The following DPP6 variants were observed in gnomAD, a reference collection of about 807,000 sequenced individuals.
The protein encoded by DPP6 is A-type potassium channel modulatory protein DPP6.
In DPP6, 69 loss-of-function variants were observed where a neutral mutation model predicts 122.6. The observed-to-expected ratio is 0.56, with a 90% CI of 0.46 to 0.69. The LOEUF is 0.69. Among genes scored for constraint, DPP6 ranks in the 30% least tolerant of loss-of-function variants. The pLI is 0.00. For synonymous variants in DPP6, 418 were observed against 433.1 expected, an observed-to-expected ratio of 0.97 and a Z score of 0.43; for missense variants, 928 against 1,116.9, an observed-to-expected ratio of 0.83 and a Z score of 2.41.
At chr7:154,003,531 C>T (rs1253941755) in intron 1 of DPP6, among the ~76,000 whole-genome samples, 1 of 152,220 alleles carries the variant, frequency 6.6e-6, no homozygotes, top group Non-Finnish European at 1.5e-5. Context: ...ATAGCTATTG[C>T]TATGCAAGCA....
chr7:153,828,457 T>C, the DPP6 span, among the ~76,000 whole-genome samples: 125,140 of 152,140 alleles, frequency 0.82, 51,695 homozygotes, highest in African/African-American at 0.89. Flanking sequence ...ACTGCAATTC[T>C]CTGTGAATCT....
chr7:154,274,632 G>A (rs1804009051), intron 1 of DPP6, among the ~76,000 whole-genome samples: 1 of 151,962 alleles, frequency 6.6e-6, no homozygotes, highest in African/African-American at 2.4e-5. Flanking sequence ...GAATTCTCCT[G>A]TTAAATATGC....
At chr7:154,734,248 G>T (rs1479430415) in intron 8 of DPP6, among the ~76,000 whole-genome samples, 2 of 152,222 alleles carry the variant, frequency 1.3e-5, no homozygotes, top group Non-Finnish European at 2.9e-5. Flanking sequence ...AGCTGGGACT[G>T]CAGGAACCTG....
intron 1 of DPP6, among the ~76,000 whole-genome samples, chr7:154,323,194 G>A (rs1300230133): frequency 3.9e-5 from 6 of 152,194 alleles, no homozygotes; most frequent in Non-Finnish European, 7.3e-5. Flanking sequence ...ATAAAACTGT[G>A]AGGATATTGT....
At chr7:154,297,366 T>G (rs1805610730) in intron 1 of DPP6, among the ~76,000 whole-genome samples, 1 of 152,214 alleles carries the variant, frequency 6.6e-6, no homozygotes, top group East Asian at 1.9e-4. Context: ...AATAAAACTT[T>G]ATTCACAAAA....
At chr7:153,879,693 A>G in the DPP6 span, among the ~76,000 whole-genome samples, 1 of 152,158 alleles carries the variant, frequency 6.6e-6, no homozygotes, top group Admixed American at 6.5e-5. Flanking sequence ...CTGGTCCAAA[A>G]TATCTCTTAA....
chr7:153,893,903 T>C (rs1252431931), intron 1 of DPP6, among the ~76,000 whole-genome samples: 1 of 152,188 alleles, frequency 6.6e-6, no homozygotes, highest in Middle Eastern at 3.2e-3. Context: ...CAAGCTCTGA[T>C]TGGTGAGTTG....
chr7:154,340,420 C>T (rs1317600486), intron 1 of DPP6, among the ~76,000 whole-genome samples: 1 of 152,212 alleles, frequency 6.6e-6, no homozygotes, highest in Non-Finnish European at 1.5e-5. Flanking sequence ...TCCTCTCCAT[C>T]CCCAGCTTTC....
intron 5 of DPP6, among the ~76,000 whole-genome samples, chr7:154,610,308 A>T (rs1230216910): frequency 6.6e-6 from 1 of 152,158 alleles, no homozygotes; most frequent in Non-Finnish European, 1.5e-5. Context: ...CTTGAAATTG[A>T]GTCTTGAAAA....
intron 1 of DPP6, among the ~76,000 whole-genome samples, chr7:154,109,538 C>T (rs1350314620): frequency 2.0e-5 from 3 of 152,182 alleles, no homozygotes; most frequent in East Asian, 1.9e-4. Context: ...GTGATCCACC[C>T]GCCTCAGCCT....
At chr7:154,140,473 T>C (rs1563240300) in intron 1 of DPP6, among the ~76,000 whole-genome samples, 1 of 152,184 alleles carries the variant, frequency 6.6e-6, no homozygotes, top group Non-Finnish European at 1.5e-5. Flanking sequence ...GGTTTGTTTG[T>C]TTGTTTATTT....
the DPP6 span, among the ~76,000 whole-genome samples, chr7:153,800,668 C>T: frequency 6.6e-6 from 1 of 152,046 alleles, no homozygotes; most frequent in Non-Finnish European, 1.5e-5. Flanking sequence ...AGGCATGCAC[C>T]ACCGTGCCAG....
intron 1 of DPP6, among the ~76,000 whole-genome samples, chr7:154,360,105 T>C (rs1811606575): frequency 6.6e-6 from 1 of 152,242 alleles, no homozygotes; most frequent in African/African-American, 2.4e-5. Flanking sequence ...CCCTTTCTTA[T>C]TTCTTTAAGA....
At chr7:154,393,077 C>T (rs1814762021) in intron 1 of DPP6, among the ~76,000 whole-genome samples, 1 of 152,144 alleles carries the variant, frequency 6.6e-6, no homozygotes, top group African/African-American at 2.4e-5. Flanking sequence ...TTTCTTCTTC[C>T]AAATATTTAC....
At chr7:154,237,505 C>G (rs1585705223) in intron 1 of DPP6, among the ~76,000 whole-genome samples, 1 of 152,294 alleles carries the variant, frequency 6.6e-6, no homozygotes, top group East Asian at 1.9e-4. Context: ...AAGTGAACAG[C>G]AGATCCTCAG....
the DPP6 span, among the ~76,000 whole-genome samples, chr7:153,828,024 G>C: frequency 2.1e-4 from 32 of 152,278 alleles, no homozygotes; most frequent in African/African-American, 7.5e-4. Context: ...GAGCTTCTTT[G>C]CTTCTGGCCA....
At chr7:154,885,898 C>T (rs759357604) in intron 22 of DPP6, among the ~76,000 whole-genome samples, 154 bp downstream of exon 22, 29 of 152,142 alleles carry the variant, frequency 1.9e-4, no homozygotes, top group Admixed American at 6.5e-5. Context: ...ATGGAAGAAC[C>T]CGGGGAAGGA....
chr7:154,076,288 A>G (rs925587276), intron 1 of DPP6, among the ~76,000 whole-genome samples: 1 of 152,136 alleles, frequency 6.6e-6, no homozygotes, highest in Non-Finnish European at 1.5e-5. Context: ...TGTCCCTACT[A>G]AAAATACAAA....
At chr7:154,750,021 G>T (rs977543873) in intron 8 of DPP6, among the ~76,000 whole-genome samples, 1 of 151,512 alleles carries the variant, frequency 6.6e-6, no homozygotes, top group Admixed American at 6.6e-5. Context: ...AGGGATGGAG[G>T]CTTTACTGTG....
Sources: gnomAD v4.1 joint callset for allele counts (sites outside exome capture counted in the v4.1 genomes callset) on GRCh38, gnomAD v4.1.1 for gene constraint, MANE v1.5 for transcripts, NCBI Gene and HGNC (gene_info 2026-07-23, HGNC 2026-07-21) for gene names.